SH3RF3: variants seen among roughly 807,000 people sequenced by gnomAD.
The protein encoded by SH3RF3 is E3 ubiquitin-protein ligase SH3RF3.
In SH3RF3, 29 loss-of-function variants were observed where a neutral mutation model predicts 66.3. The ratio of observed to expected loss-of-function variants is 0.44; its 90% CI spans 0.33 to 0.60. The LOEUF (loss-of-function observed/expected upper bound fraction) is 0.60. Ranked by LOEUF, SH3RF3 falls within the 20% of genes least tolerant of loss-of-function variation. SH3RF3 has a pLI of 0.04. For synonymous variants in SH3RF3, 583 were observed against 532.0 expected, an observed-to-expected ratio of 1.10 and a Z score of -1.32; for missense variants, 1,194 against 1,190.9, an observed-to-expected ratio of 1.00 and a Z score of -0.04.
chr2:109,302,780 G>A (rs1681501989), intron 1 of SH3RF3, among the ~76,000 whole-genome samples: 1 of 152,184 alleles, frequency 6.6e-6, no homozygotes, highest in Non-Finnish European at 1.5e-5. Context: ...CTCGGAGGCT[G>A]AAATAAGTTA....
chr2:109,478,234 T>G (rs1046673150), intron 8 of SH3RF3, among the ~76,000 whole-genome samples: 3 of 152,254 alleles, frequency 2.0e-5, no homozygotes, highest in Admixed American at 2.0e-4. Context: ...AGTGTATTTT[T>G]CATTCCTTCT....
rs747812209 is a variant in SH3RF3 at position 109,169,138 on chromosome 2, G to A, written c.573+39025G>A. On this transcript the variant is annotated intron_variant, in intron 1 of 9. Transcript: ENST00000309415. ...TGCTGGTAGATTTGTTAGTTGTAAG[G>A]CCCACATCTCGTCATATGTACTATT... 1.6e-4 allele frequency among the ~76,000 whole-genome samples: 25 copies of A among 152,254 alleles called. 1 individual carries two copies. The highest frequency in any genetic ancestry group is 6.8e-3 in the Middle Eastern group (2 of 294).
chr2:109,196,847 C>T (rs1239508885), intron 1 of SH3RF3, among the ~76,000 whole-genome samples: 1 of 152,208 alleles, frequency 6.6e-6, no homozygotes, highest in Non-Finnish European at 1.5e-5. Context: ...GGAGATCCTG[C>T]CAAGAGACAG....
rs78228719 is a variant in SH3RF3, at chr2:109,144,979, C to T, written c.573+14866C>T. 3.3e-3 allele frequency among the ~76,000 whole-genome samples: 498 copies of T among 152,350 alleles called. 19 individuals carry two copies. The East Asian group carries it at 0.087, about 26-fold the overall frequency. On this transcript the variant is annotated intron_variant, in intron 1 of 9. Transcript: ENST00000309415. Reference sequence around the variant, plus strand: ...GATCTCAGGGCAGCGGGCTCACACCCGGCTCCTGGGCTCTAACAGGTGTGG... The same window carrying T: ...GATCTCAGGGCAGCGGGCTCACACCTGGCTCCTGGGCTCTAACAGGTGTGG...
chr2:109,263,076 C>G (rs2086353393), intron 1 of SH3RF3, among the ~76,000 whole-genome samples: 1 of 152,096 alleles, frequency 6.6e-6, no homozygotes, highest in Non-Finnish European at 1.5e-5. Context: ...GAACTCCTGA[C>G]CTTAGGTAAT....
intron 1 of SH3RF3, among the ~76,000 whole-genome samples, chr2:109,203,956 G>T (rs1007165723): frequency 6.6e-6 from 1 of 152,234 alleles, no homozygotes; most frequent in Non-Finnish European, 1.5e-5. Context: ...CAGAGCATCT[G>T]CACGGTGCTC....
intron 9 of SH3RF3, among the ~76,000 whole-genome samples, chr2:109,496,911 G>A (rs781538242): frequency 6.6e-6 from 1 of 152,218 alleles, no homozygotes; most frequent in Admixed American, 6.5e-5. Flanking sequence ...GAGAGGCAGA[G>A]GAGAAGGTCA....
intron 1 of SH3RF3, among the ~76,000 whole-genome samples, chr2:109,142,267 A>G (rs1247305617): frequency 6.6e-6 from 1 of 152,052 alleles, no homozygotes; most frequent in Non-Finnish European, 1.5e-5. Flanking sequence ...CCCCACCCAC[A>G]TCCCTTCCAT....
chr2:109,318,721 G>T (rs1477920590), intron 1 of SH3RF3, among the ~76,000 whole-genome samples: 1 of 152,148 alleles, frequency 6.6e-6, no homozygotes, highest in Non-Finnish European at 1.5e-5. Context: ...GGCTGCCCTG[G>T]CCAGCCGCCA....
intron 1 of SH3RF3, among the ~76,000 whole-genome samples, chr2:109,231,997 G>A (rs1679525040): frequency 6.6e-6 from 1 of 152,204 alleles, no homozygotes; most frequent in African/African-American, 2.4e-5. Context: ...TAGTACTGAT[G>A]TGTATGAATC....
chr2:109,154,501 C>T (rs1041232373), intron 1 of SH3RF3, among the ~76,000 whole-genome samples: 11 of 152,356 alleles, frequency 7.2e-5, no homozygotes, highest in African/African-American at 2.6e-4. Flanking sequence ...TCGAGGCTTC[C>T]TCAGCTGGCT....
chr2:109,335,245 C>G (rs1196400230), intron 1 of SH3RF3, among the ~76,000 whole-genome samples: 1 of 152,236 alleles, frequency 6.6e-6, no homozygotes, highest in Non-Finnish European at 1.5e-5. Context: ...TGGGGCAAGG[C>G]CCCTCGCCCG....
chr2:109,405,878 C>T (rs568907387), intron 4 of SH3RF3, among the ~76,000 whole-genome samples: 7 of 152,362 alleles, frequency 4.6e-5, no homozygotes, highest in Non-Finnish European at 7.3e-5. Flanking sequence ...GGCTCTCACA[C>T]GCTAGCTTCC....
intron 3 of SH3RF3, among the ~76,000 whole-genome samples, chr2:109,394,694 TAAAC>T (rs1274616829): frequency 9.8e-5 from 15 of 152,368 alleles, no homozygotes; most frequent in Admixed American, 8.5e-4. Flanking sequence ...GTCCACCTGA[TAAAC>T]AAGGTGACGC....
intron 1 of SH3RF3, among the ~76,000 whole-genome samples, chr2:109,346,795 G>C (rs539288411): frequency 1.3e-4 from 20 of 152,316 alleles, no homozygotes; most frequent in Middle Eastern, 3.4e-3. Context: ...AACAGGTGCA[G>C]ATGGGTTGGT....
intron 1 of SH3RF3, among the ~76,000 whole-genome samples, chr2:109,231,989 G>A (rs1177564815): frequency 1.3e-5 from 2 of 152,190 alleles, no homozygotes; most frequent in Non-Finnish European, 2.9e-5. Flanking sequence ...ATCCTTTTTA[G>A]TACTGATGTG....
intron 1 of SH3RF3, among the ~76,000 whole-genome samples, chr2:109,135,141 G>T (rs1457252916): frequency 6.6e-6 from 1 of 152,228 alleles, no homozygotes; most frequent in Admixed American, 6.5e-5. Flanking sequence ...AGACAGCAGG[G>T]TTTCTTCCCC....
At chr2:109,165,885 G>A (rs918161835) in intron 1 of SH3RF3, among the ~76,000 whole-genome samples, 3 of 152,248 alleles carry the variant, frequency 2.0e-5, no homozygotes, top group African/African-American at 7.2e-5. Flanking sequence ...CTGGATGCCT[G>A]TGCAAGAAGA....
intron 1 of SH3RF3, among the ~76,000 whole-genome samples, chr2:109,228,890 A>T (rs1679434069): frequency 6.6e-6 from 1 of 152,168 alleles, no homozygotes; most frequent in Non-Finnish European, 1.5e-5. Context: ...GGTTATCAAC[A>T]CAATATCCAG....
Sources: gnomAD v4.1 joint callset for allele counts (sites outside exome capture counted in the v4.1 genomes callset) on GRCh38, gnomAD v4.1.1 for gene constraint, MANE v1.5 for transcripts, NCBI Gene and HGNC (gene_info 2026-07-23, HGNC 2026-07-21) for gene names.